IL6R: variants seen among roughly 807,000 people sequenced by gnomAD.
IL6R encodes interleukin-6 receptor subunit alpha.
Under a neutral mutation model 48.3 loss-of-function variants are expected in IL6R, and 38 were observed. The observed-to-expected ratio is 0.79, with a 90% CI of 0.61 to 1.03. The LOEUF (loss-of-function observed/expected upper bound fraction) is 1.03, where lower values mean the gene tolerates loss of function less well. IL6R is among the 50% of genes least tolerant of loss of function. The pLI is 0.00. For synonymous variants in IL6R, 264 were observed against 256.2 expected (o/e 1.03, Z -0.29); for missense variants, 534 against 618.3 (o/e 0.86, Z 1.45).
intron 1 of IL6R, among the ~76,000 whole-genome samples, chr1:154,428,326 A>G (rs1046597557): frequency 1.3e-5 from 2 of 152,012 alleles, no homozygotes; most frequent in Admixed American, 1.3e-4. Context: ...TAGTAGATGT[A>G]GGGTACTGGA....
At chr1:154,417,416 TCTC>T (rs772177738) in intron 1 of IL6R, among the ~76,000 whole-genome samples, 7 of 152,172 alleles carry the variant, frequency 4.6e-5, no homozygotes, top group Non-Finnish European at 1.0e-4. Context: ...GGCTGTAGCT[TCTC>T]CTCACTGTCC....
chr1:154,444,208 C>CT (rs562457712), intron 6 of IL6R, among the ~76,000 whole-genome samples: 12,089 of 138,130 alleles, frequency 0.088, 1,093 homozygotes, highest in African/African-American at 0.23. Context: ...AAGTTGCTAG[C>CT]TTTTTTTTTT....
At chr1:154,460,051 G>A (rs1691158572) in intron 9 of IL6R, among the ~76,000 whole-genome samples, 1 of 152,100 alleles carries the variant, frequency 6.6e-6, no homozygotes, top group South Asian at 2.1e-4. Flanking sequence ...GGGTAAAAGG[G>A]GTGGCAACTT....
intron 1 of IL6R, chr1:154,406,672 A>G (rs1418035285): frequency 6.6e-6 from 1 of 152,228 alleles, no homozygotes; most frequent in Non-Finnish European, 1.5e-5. Context: ...ACTTTCAACC[A>G]CTAGATCACA....
In IL6R at chr1:154,405,466, G is replaced by A. The variant is rs1170911885; in HGVS notation, c.-164G>A. On this transcript the variant is annotated 5_prime_UTR_variant, in exon 1 of 10. Coordinates refer to ENST00000368485, the MANE Select transcript of IL6R (RefSeq NM_000565.4). The surrounding 1 kb of genome is among the most constrained non-coding windows in gnomAD (Gnocchi z 5.2). ...AGCGCGGCGCGGGGCCGAGGGACTCGCAGTGTGTGTAGAGAGCCGGGCTCC... is the reference window on the plus strand; with the variant it reads ...AGCGCGGCGCGGGGCCGAGGGACTCACAGTGTGTGTAGAGAGCCGGGCTCC... 2 of 603,014 alleles carry A rather than the reference G, an allele frequency of 3.3e-6. No individual in the cohort carries two copies. Among genetic ancestry groups the A allele is most frequent in the Admixed American group, 3.9e-5 (1 of 25,932 alleles). 37.4% of individuals were successfully genotyped at this position (603,014 alleles called of 1,614,324 possible). A position where few individuals can be genotyped will look rare whatever the true frequency, so the allele number is the denominator to read the frequency against.
intron 8 of IL6R, among the ~76,000 whole-genome samples, chr1:154,451,090 C>A (rs1291561475): frequency 6.6e-6 from 1 of 152,128 alleles, no homozygotes; most frequent in African/African-American, 2.4e-5. Context: ...AAGGGAGGCA[C>A]AGATAAAGCA....
chr1:154,454,264 T>C lies in IL6R; in HGVS notation c.1067-224T>C, dbSNP rs919659825. On this transcript the variant is annotated intron_variant, in intron 8 of 9. Transcript: ENST00000368485. ...AGTGGTGGAATCCTGGAATCTAGAG[T>C]GGGCTTTGTTAAGAAACAAACAAAC... is the stretch of plus-strand genomic sequence containing the variant. 2.1e-5 allele frequency: 12 copies of C among 563,960 alleles called. No homozygotes were observed. In the East Asian group the frequency reaches 2.4e-4, roughly 11 times the overall value. The allele number at this position is 563,960 out of a possible 1,614,324, so 34.9% of individuals were successfully genotyped here. A position where few individuals can be genotyped will look rare whatever the true frequency, so the allele number is the denominator to read the frequency against.
intron 1 of IL6R, chr1:154,406,661 G>A (rs905913919): frequency 7.2e-5 from 11 of 152,262 alleles, no homozygotes; most frequent in African/African-American, 2.7e-4. Context: ...TGAAGGCTAA[G>A]ACTTTCAACC....
intron 6 of IL6R, 107 bp downstream of exon 6, chr1:154,436,217 G>A (rs1689621595): frequency 2.3e-6 from 3 of 1,293,768 alleles, no homozygotes; most frequent in South Asian, 1.5e-5. Context: ...TAGGCCAGGT[G>A]TGGTGGCTCA....
rs1207804675 is a variant in IL6R at position 154,430,527 on chromosome 1, C to G, written c.379C>G (p.Leu127Val). ...GCTCTCCTGCTTCCGGAAGAGCCCC[C>G]TCAGCAATGTTGTTTGTGAGTGGGG... The part of the protein sequence containing the change: ...PQLSCFRKSP[L>V]SNVVCEWGPR... The change falls in exon 3 of 10, where the codon CTC becomes GTC. Residue 127 changes from leucine to valine, a missense_variant. Leu to Val is a conservative substitution (Grantham distance 32). Coordinates refer to ENST00000368485, the MANE Select transcript of IL6R (RefSeq NM_000565.4). 6.2e-7 allele frequency: 1 copy of G among 1,614,116 alleles called. No individual in the cohort carries two copies. The highest frequency in any genetic ancestry group is 1.7e-5 in the Admixed American group (1 of 60,028).
At chr1:154,441,558 T>G (rs1689937019) in intron 6 of IL6R, among the ~76,000 whole-genome samples, 1 of 152,186 alleles carries the variant, frequency 6.6e-6, no homozygotes, top group Admixed American at 6.5e-5. Flanking sequence ...TGGATGATTT[T>G]GACGCAAGAG....
intron 1 of IL6R, among the ~76,000 whole-genome samples, chr1:154,426,356 C>A (rs913237071): frequency 4.8e-5 from 7 of 147,144 alleles, no homozygotes; most frequent in Admixed American, 4.7e-4. Flanking sequence ...ACTAAAAATA[C>A]AAAAAAAGGA....
intron 3 of IL6R, among the ~76,000 whole-genome samples, chr1:154,432,669 C>T (rs1363127089): frequency 1.3e-5 from 2 of 152,206 alleles, no homozygotes; most frequent in African/African-American, 4.8e-5. Context: ...GACTGGAATA[C>T]TTTCCATGTT....
chr1:154,409,765 G>T (rs1687923932), intron 1 of IL6R, among the ~76,000 whole-genome samples: 1 of 152,150 alleles, frequency 6.6e-6, no homozygotes, highest in Non-Finnish European at 1.5e-5. Context: ...TTTCATTCTA[G>T]TGTGGGAGAC....
intron 3 of IL6R, among the ~76,000 whole-genome samples, chr1:154,432,654 G>C (rs893061770): frequency 6.6e-6 from 1 of 152,210 alleles, no homozygotes; most frequent in Admixed American, 6.5e-5. Flanking sequence ...CACCGCGCCC[G>C]GCTTGACTGG....
intron 1 of IL6R, among the ~76,000 whole-genome samples, chr1:154,409,367 C>G (rs771068309): frequency 6.4e-4 from 98 of 152,238 alleles, no homozygotes; most frequent in Admixed American, 3.7e-3. Flanking sequence ...GCCTTCTGCT[C>G]TCCTCCACCT....
chr1:154,410,396 C>G (rs543626782), intron 1 of IL6R, among the ~76,000 whole-genome samples: 1 of 152,056 alleles, frequency 6.6e-6, no homozygotes, highest in Non-Finnish European at 1.5e-5. Flanking sequence ...GGACTACAGG[C>G]GTGCACCACC....
chr1:154,469,385 T>G lies in IL6R; in HGVS notation c.*4005T>G, dbSNP rs903637831. Reference sequence around the variant, plus strand: ...GGGTCAGTATATTTTTCAGTGTTTTTTTTTCTACCAGCTATTTTGCATTTA... The same window carrying G: ...GGGTCAGTATATTTTTCAGTGTTTTGTTTTCTACCAGCTATTTTGCATTTA... On this transcript the variant is annotated 3_prime_UTR_variant, in exon 10 of 10. Coordinates refer to ENST00000368485, the MANE Select transcript of IL6R (RefSeq NM_000565.4). 1 of 152,210 alleles carries G rather than the reference T, an allele frequency of 6.6e-6. No homozygotes were observed. Among genetic ancestry groups the G allele is most frequent in the African/African-American group, 2.4e-5 (1 of 41,458 alleles). 9.4% of individuals were successfully genotyped at this position (152,210 alleles called of 1,614,324 possible).
At chr1:154,457,007 C>T (rs1690923118) in intron 9 of IL6R, among the ~76,000 whole-genome samples, 4 of 152,006 alleles carry the variant, frequency 2.6e-5, no homozygotes, top group Non-Finnish European at 1.5e-5. Flanking sequence ...CTTCCGAGAA[C>T]CACATACTCA....
Sources: gnomAD v4.1 joint callset for allele counts (sites outside exome capture counted in the v4.1 genomes callset) on GRCh38, gnomAD v4.1.1 for gene constraint, Gnocchi (gnomAD v3.1) non-coding constraint, MANE v1.5 for transcripts, NCBI Gene and HGNC (gene_info 2026-07-23, HGNC 2026-07-21) for gene names.